The following HTRA3 variants were observed in gnomAD, a reference collection of about 807,000 sequenced individuals.
HTRA3 encodes the protein serine protease HTRA3.
Under a neutral mutation model 43.2 loss-of-function variants are expected in HTRA3, and 41 were observed. That is an observed-to-expected ratio of 0.95 (90% CI 0.74 to 1.23). The LOEUF is 1.23. HTRA3 is among the 50% of genes most tolerant of loss of function. HTRA3 has a pLI of 0.00. For missense variants in HTRA3, 628 were observed against 647.1 expected, an observed-to-expected ratio of 0.97 and a Z score of 0.32; for synonymous variants, 295 against 287.9, an observed-to-expected ratio of 1.02 and a Z score of -0.25.
Position 8,296,256 on chromosome 4 carries a change from C to A in HTRA3, c.1051+2055C>A. On this transcript the variant is annotated intron_variant, in intron 6 of 8. Transcript: ENST00000307358. This position sits in a 1 kb window ranked among gnomAD's most constrained non-coding sequence, Gnocchi z 5.3. The stretch of plus-strand genomic sequence containing the variant: ...GGCCTAGGTTTGCTCCTTTGTTGTA[C>A]AGGGGCTGTCCCAGTTAGTGCTGAC... 1.0e-6 allele frequency: 1 copy of A among 985,660 alleles called. No homozygotes were observed. The highest frequency in any genetic ancestry group is 1.7e-5 in the African/African-American group (1 of 57,366). The allele number at this position is 985,660 out of a possible 1,614,324, so 61.1% of individuals were successfully genotyped here.
chr4:8,291,647 C>T (rs1713247094), intron 4 of HTRA3, 83 bp downstream of exon 4: 1 of 1,057,758 alleles, frequency 9.5e-7, no homozygotes, highest in Non-Finnish European at 1.4e-6. Context: ...ACTCGGCTTG[C>T]CCCCCTCCCC....
At chr4:8,299,847 T>A (rs1359544181) in intron 6 of HTRA3, among the ~76,000 whole-genome samples, 1 of 151,484 alleles carries the variant, frequency 6.6e-6, no homozygotes, top group Non-Finnish European at 1.5e-5. Flanking sequence ...TATCCTTTTT[T>A]TTTTTTTTTT....
intron 5 of HTRA3, among the ~76,000 whole-genome samples, chr4:8,293,847 C>A (rs1713337906): frequency 6.6e-6 from 1 of 152,116 alleles, no homozygotes; most frequent in African/African-American, 2.4e-5. Flanking sequence ...CAGGCCCGAG[C>A]TGCAAGCTTC....
rs375073142 is a variant in HTRA3 at position 8,297,102 on chromosome 4, C to G, written c.1051+2901C>G. Among the ~76,000 whole-genome samples the G allele has an allele frequency of 6.6e-6, 1 of 152,062 alleles. No homozygotes were observed. The highest frequency in any genetic ancestry group is 1.5e-5 in the Non-Finnish European group (1 of 68,022). Reference sequence around the variant, plus strand: ...CCTGGTCTCAGAAGCCATAAGGTCCCTTGGTCTCAGGCCCCTGTGCTGGGT... The same window carrying G: ...CCTGGTCTCAGAAGCCATAAGGTCCGTTGGTCTCAGGCCCCTGTGCTGGGT... On this transcript the variant is annotated intron_variant, in intron 6 of 8. Coordinates refer to ENST00000307358, the MANE Select transcript of HTRA3 (RefSeq NM_053044.5). This position sits in a 1 kb window ranked among gnomAD's most constrained non-coding sequence, Gnocchi z 5.8.
At position 8,296,601 on chromosome 4, in the gene HTRA3, G is replaced by A; in HGVS notation, c.1051+2400G>A. 2.3e-6 allele frequency: 2 copies of A among 888,378 alleles called. No individual in the cohort carries two copies. Among genetic ancestry groups the A allele is most frequent in the African/African-American group, 1.8e-5 (1 of 55,132 alleles). The allele number at this position is 888,378 out of a possible 1,614,324, so 55.0% of individuals were successfully genotyped here. On this transcript the variant is annotated intron_variant, in intron 6 of 8. Transcript: ENST00000307358. This position sits in a 1 kb window ranked among gnomAD's most constrained non-coding sequence, Gnocchi z 5.3. ...CTCTGAGGGGCTTTCAGGGTAAAGAGTGGCCACCATGCATGTTGGGGGAGC... is the reference window on the plus strand; with the variant it reads ...CTCTGAGGGGCTTTCAGGGTAAAGAATGGCCACCATGCATGTTGGGGGAGC...
intron 3 of HTRA3, among the ~76,000 whole-genome samples, chr4:8,288,359 C>T (rs1398001186): frequency 3.9e-5 from 6 of 152,014 alleles, no homozygotes; most frequent in Non-Finnish European, 8.8e-5. Flanking sequence ...CCACAACCTC[C>T]GCCTCCCGGG....
chr4:8,298,312 G>A (rs1457190188), intron 6 of HTRA3, among the ~76,000 whole-genome samples: 1 of 152,216 alleles, frequency 6.6e-6, no homozygotes, highest in Non-Finnish European at 1.5e-5. Flanking sequence ...TTCATCTTTG[G>A]TGTGTTTAAA....
chr4:8,302,883 C>T (rs1209047735), intron 7 of HTRA3, among the ~76,000 whole-genome samples: 1 of 152,204 alleles, frequency 6.6e-6, no homozygotes, highest in Non-Finnish European at 1.5e-5. Context: ...CTTCCTTGCC[C>T]CTTCCAGCTT....
chr4:8,271,094 T>C (rs1459860371), intron 1 of HTRA3, among the ~76,000 whole-genome samples: 1 of 152,008 alleles, frequency 6.6e-6, no homozygotes, highest in African/African-American at 2.4e-5. Flanking sequence ...GGAGTCAGGG[T>C]CCTGCGTGCC....
At chr4:8,305,311 A>T (rs902718640) in intron 8 of HTRA3, among the ~76,000 whole-genome samples, 1 of 152,236 alleles carries the variant, frequency 6.6e-6, no homozygotes, top group African/African-American at 2.4e-5. Flanking sequence ...CTGCAGTAAA[A>T]ATTGTTGAAA....
chr4:8,296,142 G>C lies in HTRA3; in HGVS notation c.1051+1941G>C. The C allele has an allele frequency of 3.0e-6, 3 of 993,890 alleles. No homozygotes were observed. The highest frequency in any genetic ancestry group is 3.5e-5 in the African/African-American group (2 of 57,788). 61.6% of individuals were successfully genotyped at this position (993,890 alleles called of 1,614,324 possible). On this transcript the variant is annotated intron_variant, in intron 6 of 8. Coordinates refer to ENST00000307358, the MANE Select transcript of HTRA3 (RefSeq NM_053044.5). The surrounding 1 kb of genome is among the most constrained non-coding windows in gnomAD (Gnocchi z 5.3). ...AGCGGAGCTGCTGTTTGCACACACT[G>C]AGCTGTGAGGTGGCTTTCCTTGGAA...
intron 1 of HTRA3, among the ~76,000 whole-genome samples, chr4:8,277,326 G>T (rs1712568011): frequency 6.6e-6 from 1 of 152,206 alleles, no homozygotes; most frequent in South Asian, 2.1e-4. Context: ...GGGGGCTGTT[G>T]AGGGGGCCCC....
intron 2 of HTRA3, among the ~76,000 whole-genome samples, chr4:8,285,019 T>A (rs1487948477): frequency 6.6e-6 from 1 of 152,026 alleles, no homozygotes. Context: ...TGGGGGAGTG[T>A]CCCAGGCCCC....
In HTRA3 at chr4:8,296,791, G is replaced by A. The variant is rs1713473611; in HGVS notation, c.1051+2590G>A. On this transcript the variant is annotated intron_variant, in intron 6 of 8. Transcript: ENST00000307358. The surrounding 1 kb of genome is among the most constrained non-coding windows in gnomAD (Gnocchi z 5.3). ...TAGGTGGGAGACCTCTGGCCTGGGG[G>A]GTAAACCCCTCGTTTATCCTGTGGC... Among the ~76,000 whole-genome samples, 1 of 152,178 alleles carries A rather than the reference G, an allele frequency of 6.6e-6. No individual in the cohort carries two copies. Among genetic ancestry groups the A allele is most frequent in the African/African-American group, 2.4e-5 (1 of 41,452 alleles).
At chr4:8,274,319 G>T (rs1343646515) in intron 1 of HTRA3, among the ~76,000 whole-genome samples, 3 of 152,194 alleles carry the variant, frequency 2.0e-5, no homozygotes. Flanking sequence ...CACCGCCCCT[G>T]AGCCACCTGC....
At chr4:8,285,576 C>T (rs1315728142) in intron 2 of HTRA3, among the ~76,000 whole-genome samples, 1 of 152,242 alleles carries the variant, frequency 6.6e-6, no homozygotes, top group African/African-American at 2.4e-5. Context: ...AGTACCTGCT[C>T]TGGGCTGGGC....
chr4:8,274,272 G>C (rs752606411), intron 1 of HTRA3, among the ~76,000 whole-genome samples: 1 of 152,166 alleles, frequency 6.6e-6, no homozygotes, highest in African/African-American at 2.4e-5. Context: ...TTGCCTTAGC[G>C]TGGTGGGTTC....
rs563501994 is a variant in HTRA3 at position 8,272,583 on chromosome 4, C to T, written c.385+2230C>T. On this transcript the variant is annotated intron_variant, in intron 1 of 8. Coordinates refer to ENST00000307358, the MANE Select transcript of HTRA3 (RefSeq NM_053044.5). ...CGCCCCTTGCCTGATGGGCAACCCCCAGACCACGTTGTTTCATATGTTGTT... is the reference window on the plus strand; with the variant it reads ...CGCCCCTTGCCTGATGGGCAACCCCTAGACCACGTTGTTTCATATGTTGTT... Among the ~76,000 whole-genome samples, 3 of 152,274 alleles carry T rather than the reference C, an allele frequency of 2.0e-5. No individual in the cohort carries two copies. The South Asian group carries it at 6.2e-4, about 31-fold the overall frequency.
chr4:8,300,934 TCTTTATTATTGATTCACACTCAG>T (rs1713617878), intron 6 of HTRA3, among the ~76,000 whole-genome samples: 1 of 151,240 alleles, frequency 6.6e-6, no homozygotes, highest in South Asian at 2.1e-4. Flanking sequence ...GATCCAGTCA[TCTTTATTATTGATTCACACTCAG>T]CTTTATTATT....
Sources: gnomAD v4.1 joint callset for allele counts (sites outside exome capture counted in the v4.1 genomes callset) on GRCh38, gnomAD v4.1.1 for gene constraint, Gnocchi (gnomAD v3.1) non-coding constraint, MANE v1.5 for transcripts, NCBI Gene and HGNC (gene_info 2026-07-23, HGNC 2026-07-21) for gene names.